CCDC152: variants seen among roughly 807,000 people sequenced by gnomAD.
CCDC152 encodes coiled-coil domain containing 152.
Under a neutral mutation model 38.1 loss-of-function variants are expected in CCDC152, and 37 were observed. The observed-to-expected ratio is 0.97, with a 90% CI of 0.75 to 1.28. CCDC152 has a LOEUF of 1.28. CCDC152 is among the 50% of genes most tolerant of loss of function. The pLI is 0.00. For missense variants in CCDC152, 259 were observed against 292.1 expected, an observed-to-expected ratio of 0.89 and a Z score of 0.83; for synonymous variants, 83 against 87.1, an observed-to-expected ratio of 0.95 and a Z score of 0.26.
At chr5:42,782,226 A>G (rs1421129329) in intron 5 of CCDC152, among the ~76,000 whole-genome samples, 1 of 152,216 alleles carries the variant, frequency 6.6e-6, no homozygotes, top group Non-Finnish European at 1.5e-5. Flanking sequence ...GCTTGCATTC[A>G]AAGAGACTCA....
chr5:42,780,227 A>G (rs1347988671), intron 5 of CCDC152, among the ~76,000 whole-genome samples: 1 of 152,158 alleles, frequency 6.6e-6, no homozygotes, highest in Non-Finnish European at 1.5e-5. Flanking sequence ...AACTTGAAGA[A>G]TCTTCTCTAA....
intron 5 of CCDC152, among the ~76,000 whole-genome samples, chr5:42,782,358 A>G (rs1317141024): frequency 1.3e-5 from 2 of 152,202 alleles, no homozygotes; most frequent in Admixed American, 6.5e-5. Flanking sequence ...AAAATTAAAT[A>G]TTTTGAGCAT....
Position 42,799,401 on chromosome 5 carries a change from G to C in CCDC152, c.585G>C (p.Gln195His). The change falls in exon 8 of 9, where the codon CAG becomes CAC. Residue 195 changes from glutamine to histidine, a missense_variant. Physicochemically the swap from Gln to His is conservative, Grantham distance 24. Transcript: ENST00000361970. Reference sequence around the variant, plus strand: ...TTGATGCCAAACTAGCAAGAGTTCAGACTAAATCAAAATCATATCAGGATT... The same window carrying C: ...TTGATGCCAAACTAGCAAGAGTTCACACTAAATCAAAATCATATCAGGATT... ...LEFDAKLARV[Q>H]TKSKSYQDST... 7 of 1,544,210 alleles carry C rather than the reference G, an allele frequency of 4.5e-6. No individual in the cohort carries two copies. The highest frequency in any genetic ancestry group is 5.2e-6 in the Non-Finnish European group (6 of 1,143,140).
chr5:42,787,966 G>A (rs1174362051), intron 6 of CCDC152, among the ~76,000 whole-genome samples: 1 of 152,022 alleles, frequency 6.6e-6, no homozygotes, highest in Non-Finnish European at 1.5e-5. Flanking sequence ...TTTATATGTG[G>A]CATTTTGTTC....
chr5:42,772,704 T>C (rs1458644985), intron 4 of CCDC152, among the ~76,000 whole-genome samples: 1 of 152,140 alleles, frequency 6.6e-6, no homozygotes, highest in Non-Finnish European at 1.5e-5. Context: ...TGATGTCTCT[T>C]GCAAATAAAT....
intron 6 of CCDC152, among the ~76,000 whole-genome samples, chr5:42,792,916 A>G (rs1384018874): frequency 6.6e-6 from 1 of 152,160 alleles, no homozygotes; most frequent in Non-Finnish European, 1.5e-5. Context: ...GCGCCACATA[A>G]CACACCATCT....
At chr5:42,793,374 A>G (rs1358700434) in intron 6 of CCDC152, among the ~76,000 whole-genome samples, 2 of 152,204 alleles carry the variant, frequency 1.3e-5, no homozygotes, top group Non-Finnish European at 2.9e-5. Flanking sequence ...ATTCTTGTAT[A>G]TGGTCCTCGA....
At chr5:42,798,100 G>A (rs181330593) in intron 7 of CCDC152, among the ~76,000 whole-genome samples, 35 of 152,248 alleles carry the variant, frequency 2.3e-4, no homozygotes, top group Admixed American at 5.2e-4. Context: ...GCAGTGAGCC[G>A]AGATTGTGCC....
chr5:42,769,046 C>T (rs987998893), intron 3 of CCDC152, among the ~76,000 whole-genome samples: 2 of 151,948 alleles, frequency 1.3e-5, no homozygotes, highest in East Asian at 3.9e-4. Flanking sequence ...GTCAGGAGTT[C>T]GAGACCGCAT....
chr5:42,763,468 A>G (rs1018243856), intron 3 of CCDC152, among the ~76,000 whole-genome samples: 8 of 150,804 alleles, frequency 5.3e-5, no homozygotes, highest in African/African-American at 1.9e-4. Context: ...TTTCTTTACT[A>G]TAGTGAAGAC....
intron 6 of CCDC152, among the ~76,000 whole-genome samples, chr5:42,784,992 T>G (rs1247046241): frequency 2.0e-5 from 3 of 152,156 alleles, no homozygotes; most frequent in African/African-American, 4.8e-5. Flanking sequence ...TACTATGCTG[T>G]TTTGGCTATT....
chr5:42,772,523 T>C (rs988146692), intron 4 of CCDC152, among the ~76,000 whole-genome samples: 3 of 152,076 alleles, frequency 2.0e-5, no homozygotes, highest in Non-Finnish European at 4.4e-5. Context: ...TGGTGGCACA[T>C]GCCTGTAATC....
chr5:42,772,544 G>T (rs551759602), intron 4 of CCDC152, among the ~76,000 whole-genome samples: 1 of 151,574 alleles, frequency 6.6e-6, no homozygotes, highest in South Asian at 2.1e-4. Flanking sequence ...CCAGCTACTC[G>T]AGAGGCTAAG....
In CCDC152 at chr5:42,791,586, C is replaced by T. The variant is rs139903204; in HGVS notation, c.431-5243C>T. Among the ~76,000 whole-genome samples, 289 of 152,288 alleles carry T rather than the reference C, an allele frequency of 1.9e-3. 1 individual carries two copies. Among genetic ancestry groups the T allele is most frequent in the Middle Eastern group, 0.017 (5 of 294 alleles). ...GTTGTCTTACCTCATGTAATATATT[C>T]CTACTAGCATGCCAACTTTCTACAG... On this transcript the variant is annotated intron_variant, in intron 6 of 8. Coordinates refer to ENST00000361970, the MANE Select transcript of CCDC152 (RefSeq NM_001134848.2).
chr5:42,797,012 C>G (rs1283487849), intron 7 of CCDC152, 56 bp downstream of exon 7: 1 of 1,295,836 alleles, frequency 7.7e-7, no homozygotes, highest in East Asian at 2.9e-5. Flanking sequence ...CTAAACTGTA[C>G]TTTGATTGTT....
intron 2 of CCDC152, among the ~76,000 whole-genome samples, chr5:42,760,620 A>G (rs1759540079): frequency 6.6e-6 from 1 of 152,204 alleles, no homozygotes; most frequent in African/African-American, 2.4e-5. Flanking sequence ...TTGTGAAGCA[A>G]GAGTGGGAGG....
chr5:42,762,537 C>T lies in CCDC152; in HGVS notation c.182C>T (p.Ser61Phe). 2 of 1,512,644 alleles carry T rather than the reference C, an allele frequency of 1.3e-6. No individual in the cohort carries two copies. The highest frequency in any genetic ancestry group is 1.8e-6 in the Non-Finnish European group (2 of 1,112,924). The allele number at this position is 1,512,644 out of a possible 1,614,324, so 93.7% of individuals were successfully genotyped here. ...LLKVMQAKEV[S>F]IKEECATLHN... ...AAAGTAATGCAAGCAAAGGAGGTCT[C>T]CATTAAAGAAGGTTAGTTATTTGCT... The change falls in exon 3 of 9, where the codon TCC becomes TTC. Residue 61 changes from serine (S) to phenylalanine (F), a missense_variant. Transcript: ENST00000361970.
At chr5:42,773,850 A>G (rs1561274792) in intron 4 of CCDC152, among the ~76,000 whole-genome samples, 1 of 152,244 alleles carries the variant, frequency 6.6e-6, no homozygotes, top group Non-Finnish European at 1.5e-5. Flanking sequence ...AAACCATTGT[A>G]TCTTTAGAAA....
At chr5:42,779,731 T>C (rs1355083400) in intron 5 of CCDC152, among the ~76,000 whole-genome samples, 2 of 149,490 alleles carry the variant, frequency 1.3e-5, no homozygotes, top group Non-Finnish European at 3.0e-5. Context: ...TTTTTTTTTT[T>C]ACAAAATATA....
Sources: allele counts gnomAD v4.1 joint callset (sites outside exome capture counted in the v4.1 genomes callset), GRCh38; gene constraint gnomAD v4.1.1; transcripts MANE v1.5; gene names NCBI Gene and HGNC (gene_info 2026-07-23, HGNC 2026-07-21).